Variants in PARP11 observed in about 807,000 individuals in gnomAD.
The protein encoded by PARP11 is protein mono-ADP-ribosyltransferase PARP11.
A neutral mutation model predicts 42.9 loss-of-function variants in PARP11; 31 were observed. The observed-to-expected ratio is 0.72, with a 90% CI of 0.54 to 0.98. PARP11 has a LOEUF of 0.98. Ranked by LOEUF, PARP11 falls within the 50% of genes least tolerant of loss-of-function variation. The probability of loss-of-function intolerance (pLI) is 0.00; values close to 1 mark genes in which losing one functional copy is unlikely to be tolerated. For synonymous variants in PARP11, 137 were observed against 127.3 expected, an observed-to-expected ratio of 1.08 and a Z score of -0.51; for missense variants, 365 against 413.1, an observed-to-expected ratio of 0.88 and a Z score of 1.01.
intron 1 of PARP11, among the ~76,000 whole-genome samples, chr12:3,866,310 T>A (rs1005815236): frequency 6.6e-6 from 1 of 152,106 alleles, no homozygotes; most frequent in Non-Finnish European, 1.5e-5. Context: ...AAATTCTCAG[T>A]CTCCTTTGCA....
chr12:3,842,944 G>A (rs1451231580), intron 1 of PARP11, among the ~76,000 whole-genome samples: 2 of 152,064 alleles, frequency 1.3e-5, no homozygotes, highest in African/African-American at 4.8e-5. Flanking sequence ...CAAACATAAC[G>A]TTGCACCAAA....
At chr12:3,858,985 T>C (rs1948244035) in intron 1 of PARP11, among the ~76,000 whole-genome samples, 1 of 150,606 alleles carries the variant, frequency 6.6e-6, no homozygotes, top group Non-Finnish European at 1.5e-5. Flanking sequence ...TAATCCCAGT[T>C]ACTTGGGAGG....
At chr12:3,823,373 T>G (rs1247814849) in intron 4 of PARP11, among the ~76,000 whole-genome samples, 1 of 152,210 alleles carries the variant, frequency 6.6e-6, no homozygotes, top group African/African-American at 2.4e-5. Context: ...ACACAGATGG[T>G]AGCATAAAGC....
chr12:3,865,418 T>C (rs73251502), intron 1 of PARP11, among the ~76,000 whole-genome samples: 1,840 of 152,282 alleles, frequency 0.012, 43 homozygotes, highest in African/African-American at 0.042. Flanking sequence ...TTGCTCATTT[T>C]CTATCTGCTC....
chr12:3,873,362 T>G lies in PARP11; in HGVS notation c.-133A>C, dbSNP rs1948531103. 2.6e-6 allele frequency: 2 copies of G among 773,474 alleles called. No individual in the cohort carries two copies. The highest frequency in any genetic ancestry group is 4.4e-6 in the Non-Finnish European group (2 of 458,116). 47.9% of individuals were successfully genotyped at this position (773,474 alleles called of 1,614,324 possible). On this transcript the variant is annotated 5_prime_UTR_variant, in exon 1 of 8. Coordinates refer to ENST00000228820, the MANE Select transcript of PARP11 (RefSeq NM_020367.6). ...GATGCAACCTTTACGAAGGCCTTCCTCCTCCCCCTCCCTGTCACAAGCCAG... is the reference window on the plus strand; with the variant it reads ...GATGCAACCTTTACGAAGGCCTTCCGCCTCCCCCTCCCTGTCACAAGCCAG...
At chr12:3,834,318 A>G (rs1484943510) in intron 1 of PARP11, among the ~76,000 whole-genome samples, 1 of 152,124 alleles carries the variant, frequency 6.6e-6, no homozygotes, top group African/African-American at 2.4e-5. Flanking sequence ...AGAGAGCAGA[A>G]CCCCATGCCT....
intron 1 of PARP11, among the ~76,000 whole-genome samples, chr12:3,849,830 T>A (rs771539942): frequency 6.6e-6 from 1 of 152,144 alleles, no homozygotes; most frequent in Non-Finnish European, 1.5e-5. Context: ...GTTTGAATGG[T>A]TTCTAGCATA....
At chr12:3,841,350 G>A in intron 1 of PARP11, 1 of 1,256,980 alleles carries the variant, frequency 8.0e-7, no homozygotes. Flanking sequence ...CTCTGCACCA[G>A]GCCTACCTGG....
chr12:3,865,675 T>A (rs1948377766), intron 1 of PARP11, among the ~76,000 whole-genome samples: 1 of 152,146 alleles, frequency 6.6e-6, no homozygotes, highest in Non-Finnish European at 1.5e-5. Context: ...ACACTTTCTC[T>A]TCATTAGTGT....
chr12:3,828,644 C>A (rs1343254500), intron 3 of PARP11, among the ~76,000 whole-genome samples: 1 of 151,576 alleles, frequency 6.6e-6, no homozygotes, highest in Non-Finnish European at 1.5e-5. Flanking sequence ...GTTTTGTGTT[C>A]CTTAGAAGAC....
chr12:3,830,755 G>A (rs1032563500), intron 1 of PARP11, among the ~76,000 whole-genome samples: 1 of 152,128 alleles, frequency 6.6e-6, no homozygotes, highest in African/African-American at 2.4e-5. Flanking sequence ...GGTACTATCA[G>A]TACCCCAAAT....
At chr12:3,850,772 A>G (rs1370393977) in intron 1 of PARP11, among the ~76,000 whole-genome samples, 2 of 152,240 alleles carry the variant, frequency 1.3e-5, no homozygotes, top group Non-Finnish European at 1.5e-5. Context: ...TACAAAACAG[A>G]AAGTCAAGCT....
At chr12:3,859,319 C>G (rs935073076) in intron 1 of PARP11, among the ~76,000 whole-genome samples, 4 of 151,930 alleles carry the variant, frequency 2.6e-5, no homozygotes, top group African/African-American at 9.7e-5. Context: ...AATCCTAGCA[C>G]TTTGCGAGGC....
chr12:3,828,639 G>A (rs1387951633), intron 3 of PARP11, among the ~76,000 whole-genome samples: 1 of 151,272 alleles, frequency 6.6e-6, no homozygotes, highest in Non-Finnish European at 1.5e-5. Flanking sequence ...ACGGTGTTTT[G>A]TGTTCCTTAG....
At chr12:3,823,830 C>G (rs1266929490) in intron 4 of PARP11, among the ~76,000 whole-genome samples, 3 of 151,548 alleles carry the variant, frequency 2.0e-5, no homozygotes, top group Non-Finnish European at 2.9e-5. Flanking sequence ...ACAGGAGAAT[C>G]ACTTGAACCT....
chr12:3,828,810 C>T, intron 3 of PARP11, 100 bp downstream of exon 3: 1 of 1,024,664 alleles, frequency 9.8e-7, no homozygotes, highest in Non-Finnish European at 1.4e-6. Context: ...AGATATACTT[C>T]ACTGTTTGCA....
At chr12:3,813,057 G>C (rs1040059856) in intron 7 of PARP11, among the ~76,000 whole-genome samples, 2 of 152,032 alleles carry the variant, frequency 1.3e-5, no homozygotes, top group Admixed American at 6.5e-5. Context: ...CACCTGCCTC[G>C]ACCTCCCAAA....
chr12:3,870,423 A>G (rs1948455365), intron 1 of PARP11, among the ~76,000 whole-genome samples: 1 of 152,252 alleles, frequency 6.6e-6, no homozygotes, highest in Non-Finnish European at 1.5e-5. Flanking sequence ...GGTGATTTCA[A>G]AGAAAACCCA....
chr12:3,871,755 T>C (rs1299823681), intron 1 of PARP11: 1 of 152,112 alleles, frequency 6.6e-6, no homozygotes, highest in Non-Finnish European at 1.5e-5. Flanking sequence ...TAGATCCCAC[T>C]CTCTGAGGGT....
Sources: gnomAD v4.1 joint callset for allele counts (sites outside exome capture counted in the v4.1 genomes callset) on GRCh38, gnomAD v4.1.1 for gene constraint, MANE v1.5 for transcripts, NCBI Gene and HGNC (gene_info 2026-07-23, HGNC 2026-07-21) for gene names.